The following TTC7B variants were observed in gnomAD, a reference collection of about 807,000 sequenced individuals.
TTC7B encodes the protein tetratricopeptide repeat protein 7B.
A neutral mutation model predicts 106.8 loss-of-function variants in TTC7B; 28 were observed. The ratio of observed to expected loss-of-function variants is 0.26; its 90% confidence interval spans 0.19 to 0.36. The LOEUF is 0.36. TTC7B is among the 10% of genes least tolerant of loss of function. The pLI is 1.00. For missense variants in TTC7B, 862 were observed against 1,076.4 expected (o/e 0.80, Z 2.79); for synonymous variants, 405 against 430.6 (o/e 0.94, Z 0.74).
At chr14:90,737,306 AACCTGC>A (rs1761512258) in intron 4 of TTC7B, among the ~76,000 whole-genome samples, 1 of 152,208 alleles carries the variant, frequency 6.6e-6, no homozygotes, top group Non-Finnish European at 1.5e-5. Flanking sequence ...TCTACACAGG[AACCTGC>A]ATACAAATAT....
chr14:90,806,058 A>C (rs947109675), intron 1 of TTC7B, among the ~76,000 whole-genome samples: 10 of 152,266 alleles, frequency 6.6e-5, no homozygotes, highest in Non-Finnish European at 1.2e-4. Context: ...AAAGTCAACA[A>C]TTCCGTTTCA....
intron 19 of TTC7B, among the ~76,000 whole-genome samples, chr14:90,541,884 G>A (rs984855582): frequency 6.6e-6 from 1 of 152,238 alleles, no homozygotes; most frequent in African/African-American, 2.4e-5. Flanking sequence ...TTGGAAGTCC[G>A]CAGTCTGCAC....
In TTC7B at chr14:90,538,374, C is replaced by T. The variant is rs964473567; in HGVS notation, c.*2994G>A. ...CTTAGTTGGGAAAGGCTCAGCAGGTCAGAAGACTAGGAAGAAGGCCAGAGC... is the reference window on the plus strand; with the variant it reads ...CTTAGTTGGGAAAGGCTCAGCAGGTTAGAAGACTAGGAAGAAGGCCAGAGC... On this transcript the variant is annotated 3_prime_UTR_variant, in exon 20 of 20. Transcript: ENST00000328459. 6.6e-6 allele frequency: 1 copy of T among 152,082 alleles called. No homozygotes were observed. The highest frequency in any genetic ancestry group is 2.4e-5 in the African/African-American group (1 of 41,364). The allele number at this position is 152,082 out of a possible 1,614,324, so 9.4% of individuals were successfully genotyped here.
chr14:90,694,178 C>A (rs1284351688), intron 6 of TTC7B, among the ~76,000 whole-genome samples: 1 of 152,050 alleles, frequency 6.6e-6, no homozygotes, highest in Non-Finnish European at 1.5e-5. Flanking sequence ...GGGCAGGAGG[C>A]AATGAGCCAA....
intron 5 of TTC7B, among the ~76,000 whole-genome samples, chr14:90,701,582 C>G (rs1595297726): frequency 1.3e-5 from 2 of 151,908 alleles, no homozygotes; most frequent in African/African-American, 4.8e-5. Flanking sequence ...CCCTAAGCTC[C>G]GAGTCTCTGA....
At chr14:90,730,322 G>T in intron 4 of TTC7B, 126 bp from the exon 5 acceptor site, 1 of 1,150,932 alleles carries the variant, frequency 8.7e-7, no homozygotes, top group Non-Finnish European at 1.2e-6. Flanking sequence ...CAGTGCAGAG[G>T]CACAGGTGTA....
chr14:90,617,592 A>G (rs528293476), intron 16 of TTC7B, among the ~76,000 whole-genome samples: 1 of 152,230 alleles, frequency 6.6e-6, no homozygotes, highest in African/African-American at 2.4e-5. Flanking sequence ...TGACTGGTCT[A>G]TACATAAATT....
intron 9 of TTC7B, among the ~76,000 whole-genome samples, chr14:90,659,269 T>C (rs928627384): frequency 1.0e-4 from 15 of 149,918 alleles, no homozygotes; most frequent in African/African-American, 3.7e-4. Context: ...TGTGTGTGTT[T>C]GAGAGAGAGG....
intron 5 of TTC7B, among the ~76,000 whole-genome samples, chr14:90,714,550 G>T (rs570216857): frequency 6.6e-6 from 1 of 151,424 alleles, no homozygotes; most frequent in African/African-American, 2.4e-5. Context: ...TCTACCTCCC[G>T]GGTTCAAGAG....
At chr14:90,740,437 G>A (rs1382789385) in intron 4 of TTC7B, among the ~76,000 whole-genome samples, 1 of 150,324 alleles carries the variant, frequency 6.7e-6, no homozygotes, top group East Asian at 1.9e-4. Context: ...ACAAGAAAGG[G>A]AAAAGCAAAT....
intron 6 of TTC7B, among the ~76,000 whole-genome samples, chr14:90,691,200 AGGAATTTCATTTTC>A (rs1887455652): frequency 6.6e-6 from 1 of 152,238 alleles, no homozygotes; most frequent in South Asian, 2.1e-4. Flanking sequence ...AAAATGAACG[AGGAATTTCATTTTC>A]TGAATACATT....
chr14:90,806,516 C>T (rs2140061833), intron 1 of TTC7B, among the ~76,000 whole-genome samples: 1 of 152,362 alleles, frequency 6.6e-6, no homozygotes, highest in Non-Finnish European at 1.5e-5. Flanking sequence ...CCTACTTCCA[C>T]ACACAAGACT....
In TTC7B at chr14:90,657,164, C is replaced by T. The variant is rs1885983034; in HGVS notation, c.1341+10G>A. The T allele has an allele frequency of 1.9e-6, 3 of 1,611,682 alleles. No individual in the cohort carries two copies. The highest frequency in any genetic ancestry group is 2.5e-6 in the Non-Finnish European group (3 of 1,178,314). On this transcript the variant is annotated intron_variant, in intron 11 of 19. Transcript: ENST00000328459. This position sits in a 1 kb window ranked among gnomAD's most constrained non-coding sequence, Gnocchi z 4.2. The stretch of plus-strand genomic sequence containing the variant: ...TCTGCAGGAGCGGGGAGGGGGGCGC[C>T]CCTACTCACCCAGTGCAGGGAGCCC...
At chr14:90,546,821 C>T (rs1268172956) in intron 19 of TTC7B, among the ~76,000 whole-genome samples, 4 of 152,208 alleles carry the variant, frequency 2.6e-5, no homozygotes, top group African/African-American at 7.2e-5. Flanking sequence ...TCAAAGAGCT[C>T]GGGGTCCAGT....
At position 90,737,559 on chromosome 14, in the gene TTC7B, T is replaced by G. The variant is rs1023447476; in HGVS notation, c.576+7233A>C. ...TTGTATGATTCTGTTTTTTTTTTTT[T>G]TTTTTTTTTTTTGAGATGGAGTCTC... is the stretch of plus-strand genomic sequence containing the variant. On this transcript the variant is annotated intron_variant, in intron 4 of 19. Transcript: ENST00000328459. Among the ~76,000 whole-genome samples the G allele has an allele frequency of 3.5e-5, 5 of 142,124 alleles. No individual in the cohort carries two copies. The South Asian group carries it at 1.2e-3, about 33-fold the overall frequency. The allele number at this position is 142,124 out of a possible 152,430, so 93.2% of individuals were successfully genotyped here.
intron 15 of TTC7B, among the ~76,000 whole-genome samples, chr14:90,640,875 G>A (rs1042926630): frequency 1.2e-3 from 189 of 152,316 alleles, no homozygotes; most frequent in African/African-American, 4.4e-3. Flanking sequence ...CAACTTAAAA[G>A]TGAAGGATCT....
At chr14:90,632,799 T>C (rs1010982161) in intron 15 of TTC7B, among the ~76,000 whole-genome samples, 3 of 152,172 alleles carry the variant, frequency 2.0e-5, no homozygotes, top group Non-Finnish European at 4.4e-5. Flanking sequence ...ATCTACAAAA[T>C]GAAAATAATA....
chr14:90,658,372 T>C lies in TTC7B; in HGVS notation c.1168A>G (p.Met390Val). Residue 390 changes from methionine (M) to valine (V), a missense_variant, in exon 10 of 20, where the codon ATG becomes GTG. Coordinates refer to ENST00000328459, the MANE Select transcript of TTC7B (RefSeq NM_001010854.2). Reference protein sequence around the residue: ...EMLSECLERAMKFAFEEFHLW... With the variant: ...EMLSECLERAVKFAFEEFHLW... ...TGGAATTCCTCAAAGGCAAACTTCA[T>C]GGCTCTTTCTAGGCACTGGTTGGGA... 1 of 1,614,180 alleles carries C rather than the reference T, an allele frequency of 6.2e-7. No homozygotes were observed. Among genetic ancestry groups the C allele is most frequent in the South Asian group, 1.1e-5 (1 of 91,086 alleles).
At chr14:90,786,461 G>T (rs1053896697) in intron 1 of TTC7B, 133 bp from the exon 2 acceptor site, 13 of 967,972 alleles carry the variant, frequency 1.3e-5, no homozygotes, top group Non-Finnish European at 2.0e-5. Context: ...GAACTTCATA[G>T]CCTTCATAGG....
Sources: allele counts gnomAD v4.1 joint callset (sites outside exome capture counted in the v4.1 genomes callset), GRCh38; gene constraint gnomAD v4.1.1; non-coding constraint Gnocchi (gnomAD v3.1); transcripts MANE v1.5; gene names NCBI Gene and HGNC (gene_info 2026-07-23, HGNC 2026-07-21).